SEMA6D: variants seen among roughly 807,000 people sequenced by gnomAD.
SEMA6D encodes the protein semaphorin-6D.
SEMA6D carries 35 observed loss-of-function variants against 106.6 expected under a neutral mutation model. That is an observed-to-expected ratio of 0.33 (90% CI 0.25 to 0.44). The LOEUF is 0.44. Among genes scored for constraint, SEMA6D ranks in the 20% least tolerant of loss-of-function variants. The probability of loss-of-function intolerance (pLI) is 1.00; values close to 1 mark genes in which losing one functional copy is unlikely to be tolerated. For missense variants in SEMA6D, 1,185 were observed against 1,345.9 expected (o/e 0.88, Z 1.87); for synonymous variants, 499 against 487.7 (o/e 1.02, Z -0.31).
chr15:47,675,876 T>G (rs777137521), intron 4 of SEMA6D, among the ~76,000 whole-genome samples: 3 of 151,178 alleles, frequency 2.0e-5, no homozygotes, highest in Non-Finnish European at 4.4e-5. Flanking sequence ...TGTATTGCTC[T>G]GGTTCTTGAG....
intron 1 of SEMA6D, among the ~76,000 whole-genome samples, chr15:47,284,567 A>G (rs752567053): frequency 6.6e-6 from 1 of 152,188 alleles, no homozygotes; most frequent in Non-Finnish European, 1.5e-5. Context: ...TTGCCCTAGA[A>G]TTGGAAAAGA....
At position 47,610,459 on chromosome 15, in the gene SEMA6D, A is replaced by G. The variant is rs143615504; in HGVS notation, c.-55+9563A>G. On this transcript the variant is annotated intron_variant, in intron 4 of 19. Coordinates refer to the SEMA6D transcript ENST00000558014. ...AAGAAAAACTCTGGGCTCTATTTGAATACATGTTTTTTTATGCCCTTAATA... is the reference window on the plus strand; with the variant it reads ...AAGAAAAACTCTGGGCTCTATTTGAGTACATGTTTTTTTATGCCCTTAATA... Among the ~76,000 whole-genome samples, 573 of 152,028 alleles carry G rather than the reference A, an allele frequency of 3.8e-3. 3 individuals carry two copies. The highest frequency in any genetic ancestry group is 0.014 in the African/African-American group (560 of 41,290).
chr15:47,492,976 A>T (rs1245352748), intron 3 of SEMA6D, among the ~76,000 whole-genome samples: 1 of 152,136 alleles, frequency 6.6e-6, no homozygotes, highest in Non-Finnish European at 1.5e-5. Context: ...GGACAGCAGG[A>T]GAAACAAGAA....
chr15:47,323,250 G>A (rs147514640), intron 1 of SEMA6D, among the ~76,000 whole-genome samples: 1,678 of 152,198 alleles, frequency 0.011, 14 homozygotes, highest in Non-Finnish European at 0.014. Context: ...ACAGCTCGGC[G>A]AGCAGGAGAG....
At chr15:47,650,545 T>C (rs1467993930) in intron 4 of SEMA6D, among the ~76,000 whole-genome samples, 1 of 152,330 alleles carries the variant, frequency 6.6e-6, no homozygotes, top group South Asian at 2.1e-4. Flanking sequence ...TCCCTGTCAA[T>C]AGATTGAGGT....
At chr15:47,513,832 G>T (rs2044305387) in intron 3 of SEMA6D, among the ~76,000 whole-genome samples, 1 of 152,216 alleles carries the variant, frequency 6.6e-6, no homozygotes, top group African/African-American at 2.4e-5. Context: ...GTTTAGGCAA[G>T]TACTTACACA....
In SEMA6D at chr15:47,243,341, T is replaced by C. The variant is rs150395005; in HGVS notation, c.-239+58923T>C. Among the ~76,000 whole-genome samples the C allele has an allele frequency of 3.3e-5, 5 of 152,044 alleles. No homozygotes were observed. The East Asian group carries it at 9.7e-4, about 29-fold the overall frequency. ...TGTCCCAATATAACTTCTTACATCA[T>C]CATTATCTGTGTCAGATTTTAAGAG... On this transcript the variant is annotated intron_variant, in intron 1 of 19. Transcript: ENST00000558014.
intron 1 of SEMA6D, among the ~76,000 whole-genome samples, chr15:47,321,389 G>A (rs1566996548): frequency 6.6e-6 from 1 of 152,068 alleles, no homozygotes; most frequent in Non-Finnish European, 1.5e-5. Context: ...TATTTCATTG[G>A]CCATCCTTTA....
At chr15:47,318,908 T>A (rs1389509857) in intron 1 of SEMA6D, among the ~76,000 whole-genome samples, 3 of 152,006 alleles carry the variant, frequency 2.0e-5, no homozygotes, top group East Asian at 1.9e-4. Flanking sequence ...TTCCTATTTC[T>A]CCACATCCTC....
Position 47,495,863 on chromosome 15 carries a change from C to T in SEMA6D, c.-87+25318C>T, listed in dbSNP as rs139756825. On this transcript the variant is annotated intron_variant, in intron 3 of 19. Transcript: ENST00000558014. ...AATTTCCAGAGTATTTAAAAGGTGC[C>T]CTTCATTGAACATACAAGTATTTTT... Among the ~76,000 whole-genome samples the T allele has an allele frequency of 3.2e-3, 486 of 151,860 alleles. 7 individuals carry two copies. Among genetic ancestry groups the T allele is most frequent in the African/African-American group, 0.011 (452 of 41,434 alleles).
chr15:47,538,560 A>G (rs1228600193), intron 3 of SEMA6D, among the ~76,000 whole-genome samples: 2 of 152,224 alleles, frequency 1.3e-5, no homozygotes, highest in Admixed American at 6.5e-5. Context: ...AATCAAACGA[A>G]TTATCTGTAC....
rs1390870 is a variant in SEMA6D at position 47,462,115 on chromosome 15, A to G, written c.-158-8359A>G. 2.6e-5 allele frequency among the ~76,000 whole-genome samples: 4 copies of G among 151,996 alleles called. No homozygotes were observed. In the East Asian group the frequency reaches 7.8e-4, roughly 30 times the overall value. On this transcript the variant is annotated intron_variant, in intron 2 of 19. Transcript: ENST00000558014. Reference sequence around the variant, plus strand: ...AGTTTTTCCAGACCACGCCAGTGTGATATACTCTTCCCATTTTTCTGACAT... The same window carrying G: ...AGTTTTTCCAGACCACGCCAGTGTGGTATACTCTTCCCATTTTTCTGACAT...
At chr15:47,219,759 T>C (rs528041783) in intron 1 of SEMA6D, among the ~76,000 whole-genome samples, 3 of 152,336 alleles carry the variant, frequency 2.0e-5, no homozygotes, top group East Asian at 3.9e-4. Context: ...ATATCATCCA[T>C]GTATTTAGCT....
chr15:47,184,246 C>T (rs562933340), exon 1 of SEMA6D: 6 of 153,178 alleles, frequency 3.9e-5, no homozygotes, highest in Admixed American at 1.3e-4. Context: ...CTGCGTCGCT[C>T]GGAGCGGTGA....
intron 4 of SEMA6D, among the ~76,000 whole-genome samples, chr15:47,635,622 T>C (rs1031195930): frequency 1.4e-4 from 22 of 152,216 alleles, no homozygotes; most frequent in Admixed American, 2.0e-4. Context: ...TCTTATGGGA[T>C]TGAGACTTTA....
At chr15:47,361,420 A>T (rs978964477) in intron 1 of SEMA6D, among the ~76,000 whole-genome samples, 1 of 152,186 alleles carries the variant, frequency 6.6e-6, no homozygotes, top group Non-Finnish European at 1.5e-5. Context: ...GGAGTTCTGG[A>T]TATGTTTCAG....
At chr15:47,244,935 G>A (rs1457645802) in intron 1 of SEMA6D, among the ~76,000 whole-genome samples, 1 of 152,026 alleles carries the variant, frequency 6.6e-6, no homozygotes. Context: ...ACTTATAAAA[G>A]AGAACATGCA....
intron 1 of SEMA6D, among the ~76,000 whole-genome samples, chr15:47,283,619 A>T (rs2142592416): frequency 6.6e-6 from 1 of 152,332 alleles, no homozygotes; most frequent in Admixed American, 6.5e-5. Flanking sequence ...AGGCCTCATC[A>T]GTAGTGGGTG....
intron 1 of SEMA6D, among the ~76,000 whole-genome samples, chr15:47,194,087 GTGGATGGGTGGATGGA>G (rs1335093120): frequency 6.6e-6 from 1 of 151,344 alleles, no homozygotes; most frequent in African/African-American, 2.4e-5. Context: ...GGGTGGATGG[GTGGATGGGTGGATGGA>G]TGGATGGGTG....
Sources: gnomAD v4.1 joint callset for allele counts (sites outside exome capture counted in the v4.1 genomes callset) on GRCh38, gnomAD v4.1.1 for gene constraint, MANE v1.5 for transcripts, NCBI Gene and HGNC (gene_info 2026-07-23, HGNC 2026-07-21) for gene names.